The following KCNQ1 variants were observed in gnomAD, a reference collection of about 807,000 sequenced individuals.
KCNQ1 encodes the protein potassium voltage-gated channel subfamily Q member 1, also known as potassium voltage-gated channel subfamily KQT member 1.
Under a neutral mutation model 72.4 loss-of-function variants are expected in KCNQ1, and 49 were observed. That is an observed-to-expected ratio of 0.68 (90% CI 0.54 to 0.86). The LOEUF (loss-of-function observed/expected upper bound fraction) is 0.86, where lower values mean the gene tolerates loss of function less well. Among genes scored for constraint, KCNQ1 ranks in the 40% least tolerant of loss-of-function variants. The pLI is 0.00. For synonymous variants in KCNQ1, 450 were observed against 412.6 expected (o/e 1.09, Z -1.10); for missense variants, 790 against 945.1 (o/e 0.84, Z 2.15).
At chr11:2,470,760 A>G (rs1033979143) in intron 1 of KCNQ1, among the ~76,000 whole-genome samples, 2 of 151,868 alleles carry the variant, frequency 1.3e-5, no homozygotes, top group Admixed American at 6.6e-5. Context: ...GACTGGTCTC[A>G]AAACCCTGGT....
chr11:2,685,149 G>C (rs928783052), intron 11 of KCNQ1: 3 of 398,582 alleles, frequency 7.5e-6, no homozygotes, highest in African/African-American at 6.2e-5. Context: ...TGTGGAAGAA[G>C]CTGCCTGGAG....
chr11:2,785,647 T>C lies in KCNQ1; in HGVS notation c.1794+7610T>C, dbSNP rs189621244. On this transcript the variant is annotated intron_variant, in intron 15 of 15. Coordinates refer to ENST00000155840, the MANE Select transcript of KCNQ1 (RefSeq NM_000218.3). The surrounding 1 kb of genome is among the most constrained non-coding windows in gnomAD (Gnocchi z 4.4). ...ATACATTTATATTTAATATAATTTCTAATAGATTTGGATTGAATTCTAGCA... is the reference window on the plus strand; with the variant it reads ...ATACATTTATATTTAATATAATTTCCAATAGATTTGGATTGAATTCTAGCA... Among the ~76,000 whole-genome samples the C allele has an allele frequency of 1.3e-5, 2 of 151,706 alleles. No homozygotes were observed.
Position 2,698,631 on chromosome 11 carries a change from A to C in KCNQ1, c.1514+36550A>C. ...TTCCTGACTCCCATACCCCACTGAG[A>C]CCTCTAACCCCAATCCCAATCTCTT... is the stretch of plus-strand genomic sequence containing the variant. On this transcript the variant is annotated intron_variant, in intron 11 of 15. Transcript: ENST00000155840. The surrounding 1 kb of genome is among the most constrained non-coding windows in gnomAD (Gnocchi z 5.1). The C allele has an allele frequency of 2.5e-6, 1 of 398,082 alleles. No individual in the cohort carries two copies. The allele number at this position is 398,082 out of a possible 1,614,324, so 24.7% of individuals were successfully genotyped here.
At chr11:2,552,756 G>T (rs867643900) in intron 2 of KCNQ1, among the ~76,000 whole-genome samples, 5 of 147,386 alleles carry the variant, frequency 3.4e-5, no homozygotes, top group African/African-American at 1.3e-4. Flanking sequence ...CCACGAACAC[G>T]GTCTCGCTCC....
rs373227792 is a variant in KCNQ1 at position 2,572,869 on chromosome 11, C to A, written c.804C>A (p.Ile268=). 6.2e-7 allele frequency: 1 copy of A among 1,613,826 alleles called. No individual in the cohort carries two copies. Among genetic ancestry groups the A allele is most frequent in the Non-Finnish European group, 8.5e-7 (1 of 1,180,026 alleles). Reference sequence around the variant, plus strand: ...AGGAGCTGATAACCACCCTGTACATCGGCTTCCTGGGCCTCATCTTCTCCT... The same window carrying A: ...AGGAGCTGATAACCACCCTGTACATAGGCTTCCTGGGCCTCATCTTCTCCT... ...HRQELITTLY[I]GFLGLIFSSY... is the part of the protein sequence containing the mutation. The change falls in exon 6 of 16, where the codon ATC becomes ATA. Residue 268 remains isoleucine, a synonymous_variant. Coordinates refer to ENST00000155840, the MANE Select transcript of KCNQ1 (RefSeq NM_000218.3).
rs1410756812 is a variant in KCNQ1, at chr11:2,508,519, A to G, written c.387-19409A>G. Among the ~76,000 whole-genome samples, 3 of 151,726 alleles carry G rather than the reference A, an allele frequency of 2.0e-5. No homozygotes were observed. The highest frequency in any genetic ancestry group is 2.0e-4 in the Admixed American group (3 of 15,246). On this transcript the variant is annotated intron_variant, in intron 1 of 15. Transcript: ENST00000155840. The surrounding 1 kb of genome is among the most constrained non-coding windows in gnomAD (Gnocchi z 6.2). ...GTCATGCAGAGAGGGTGATGATATA[A>G]CCAGCTGGGTGTTCGCACCTGAGAG...
chr11:2,588,621 G>T lies in KCNQ1; in HGVS notation c.1252-92G>T. 2 of 1,520,344 alleles carry T rather than the reference G, an allele frequency of 1.3e-6. No homozygotes were observed. Among genetic ancestry groups the T allele is most frequent in the Non-Finnish European group, 9.0e-7 (1 of 1,108,426 alleles). 94.2% of individuals were successfully genotyped at this position (1,520,344 alleles called of 1,614,324 possible). A position where few individuals can be genotyped will look rare whatever the true frequency, so the allele number is the denominator to read the frequency against. On this transcript the variant is annotated intron_variant, in intron 9 of 15. Coordinates refer to ENST00000155840, the MANE Select transcript of KCNQ1 (RefSeq NM_000218.3). The surrounding 1 kb of genome is among the most constrained non-coding windows in gnomAD (Gnocchi z 5.6). ...TCCGGGTGTATGTGGCGGGGGCTGG[G>T]CTCGGGGCGGCTGCACAGGCACTCT...
rs926185296 is a variant in KCNQ1, at chr11:2,653,889, C to A, written c.1394-8072C>A. 3 of 398,512 alleles carry A rather than the reference C, an allele frequency of 7.5e-6. No homozygotes were observed. Among genetic ancestry groups the A allele is most frequent in the African/African-American group, 6.2e-5 (3 of 48,596 alleles). 24.7% of individuals were successfully genotyped at this position (398,512 alleles called of 1,614,324 possible). ...ACTAGGAGTGGGAAAGGAAGAGCCC[C>A]CTAAGGAAGATTTGAGAAGCTGTTC... On this transcript the variant is annotated intron_variant, in intron 10 of 15. Transcript: ENST00000155840. The surrounding 1 kb of genome is among the most constrained non-coding windows in gnomAD (Gnocchi z 5.3).
chr11:2,665,903 G>A (rs1479751677), intron 11 of KCNQ1: 1 of 398,560 alleles, frequency 2.5e-6, no homozygotes, highest in Non-Finnish European at 4.4e-6. Context: ...GCCTGGGTGA[G>A]CTTCTCCAAG....
chr11:2,535,047 C>A (rs1017222545), intron 2 of KCNQ1, among the ~76,000 whole-genome samples: 1 of 152,206 alleles, frequency 6.6e-6, no homozygotes, highest in Admixed American at 6.5e-5. Flanking sequence ...CCCCAGGGCA[C>A]GGGGTGGCCT....
intron 11 of KCNQ1, among the ~76,000 whole-genome samples, chr11:2,738,566 G>A (rs1845996885): frequency 6.6e-6 from 1 of 152,200 alleles, no homozygotes; most frequent in Admixed American, 6.5e-5. Context: ...GAGTGCCCTT[G>A]GAGGCTGGAG....
rs1850143108 is a variant in KCNQ1 at position 2,669,444 on chromosome 11, C to T, written c.1514+7363C>T. ...TTAGGTTGACTTTCATATCTTTTAC[C>T]TTGCCCTGTAGTTTTCAGTGTGGTG... On this transcript the variant is annotated intron_variant, in intron 11 of 15. Coordinates refer to ENST00000155840, the MANE Select transcript of KCNQ1 (RefSeq NM_000218.3). The surrounding 1 kb of genome is among the most constrained non-coding windows in gnomAD (Gnocchi z 5.6). The T allele has an allele frequency of 7.5e-6, 3 of 398,604 alleles. No individual in the cohort carries two copies. The highest frequency in any genetic ancestry group is 1.3e-5 in the Non-Finnish European group (3 of 226,070). The allele number at this position is 398,604 out of a possible 1,614,324, so 24.7% of individuals were successfully genotyped here. A position where few individuals can be genotyped will look rare whatever the true frequency, so the allele number is the denominator to read the frequency against.
intron 10 of KCNQ1, chr11:2,660,771 G>A (rs1849939718): frequency 2.5e-6 from 1 of 398,502 alleles, no homozygotes; most frequent in Non-Finnish European, 4.4e-6. Flanking sequence ...AGCCTGAATT[G>A]CTACAACTTC....
At chr11:2,552,202 C>T (rs1382383634) in intron 2 of KCNQ1, among the ~76,000 whole-genome samples, 3 of 151,716 alleles carry the variant, frequency 2.0e-5, no homozygotes, top group African/African-American at 7.3e-5. Context: ...GTTTTTTCTC[C>T]TGTTTTCTGT....
intron 1 of KCNQ1, among the ~76,000 whole-genome samples, chr11:2,459,001 A>G (rs1017014094): frequency 1.1e-4 from 17 of 152,206 alleles, no homozygotes; most frequent in African/African-American, 3.6e-4. Context: ...CGCACCTGCC[A>G]TGGTGCATTT....
rs1191799350 is a variant in KCNQ1 at position 2,647,099 on chromosome 11, G to C, written c.1394-14862G>C. The C allele has an allele frequency of 2.5e-6, 1 of 398,410 alleles. No individual in the cohort carries two copies. 24.7% of individuals were successfully genotyped at this position (398,410 alleles called of 1,614,324 possible). ...GAGAAGGTGTTTAGCTTTTCCCCAG[G>C]TGGCTGTGGGTTTGTCATATATGAC... On this transcript the variant is annotated intron_variant, in intron 10 of 15. Coordinates refer to ENST00000155840, the MANE Select transcript of KCNQ1 (RefSeq NM_000218.3). This position sits in a 1 kb window ranked among gnomAD's most constrained non-coding sequence, Gnocchi z 4.0.
chr11:2,580,986 C>T (rs1174759142), intron 6 of KCNQ1, among the ~76,000 whole-genome samples: 3 of 152,296 alleles, frequency 2.0e-5, no homozygotes, highest in East Asian at 1.9e-4. Context: ...GCAGGGGCTG[C>T]GCCAGCCCAG....
intron 2 of KCNQ1, among the ~76,000 whole-genome samples, chr11:2,552,112 GTTC>G (rs1264420946): frequency 1.3e-5 from 2 of 151,346 alleles, no homozygotes; most frequent in African/African-American, 2.4e-5. Context: ...ATTCATCAGG[GTTC>G]TTCTTTTTTT....
chr11:2,758,821 G>A lies in KCNQ1; in HGVS notation c.1515-10023G>A, dbSNP rs530522647. On this transcript the variant is annotated intron_variant, in intron 11 of 15. Transcript: ENST00000155840. ...GAAAGGTCGCATGCTGTGTGATTCCGTATAGATAACATTCTCAAAGTCCAG... is the reference window on the plus strand; with the variant it reads ...GAAAGGTCGCATGCTGTGTGATTCCATATAGATAACATTCTCAAAGTCCAG... 8.5e-5 allele frequency among the ~76,000 whole-genome samples: 13 copies of A among 152,308 alleles called. No individual in the cohort carries two copies. The South Asian group carries it at 1.0e-3, about 12-fold the overall frequency.
Sources: gnomAD v4.1 joint callset for allele counts (sites outside exome capture counted in the v4.1 genomes callset) on GRCh38, gnomAD v4.1.1 for gene constraint, Gnocchi (gnomAD v3.1) non-coding constraint, MANE v1.5 for transcripts, NCBI Gene and HGNC (gene_info 2026-07-23, HGNC 2026-07-21) for gene names.